WASHC3: variants seen among roughly 807,000 people sequenced by gnomAD.
WASHC3 encodes WASH complex subunit 3, also known as WASH complex subunit CCDC53.
WASHC3 carries 24 observed loss-of-function variants against 26.1 expected under a neutral mutation model. The ratio of observed to expected loss-of-function variants is 0.92; its 90% CI spans 0.66 to 1.29. WASHC3 has a LOEUF of 1.29. Ranked by LOEUF, WASHC3 falls within the 50% of genes most tolerant of loss-of-function variation. The pLI, the probability that WASHC3 is intolerant of heterozygous loss-of-function variation, is 0.00. For synonymous variants in WASHC3, 77 were observed against 75.7 expected, an observed-to-expected ratio of 1.02 and a Z score of -0.09; for missense variants, 214 against 229.6, an observed-to-expected ratio of 0.93 and a Z score of 0.44.
intron 5 of WASHC3, among the ~76,000 whole-genome samples, chr12:102,030,455 G>A (rs189804761): frequency 6.6e-6 from 1 of 151,790 alleles, no homozygotes; most frequent in East Asian, 1.9e-4. Flanking sequence ...TTTTCTCCTC[G>A]AAGCTTTCAG....
At chr12:102,020,388 T>A (rs1197242000) in intron 6 of WASHC3, among the ~76,000 whole-genome samples, 3 of 152,164 alleles carry the variant, frequency 2.0e-5, no homozygotes, top group Non-Finnish European at 4.4e-5. Flanking sequence ...GTCCATAACT[T>A]CCCTTCTTAT....
intron 5 of WASHC3, among the ~76,000 whole-genome samples, chr12:102,038,096 G>A (rs1460220076): frequency 3.3e-5 from 5 of 151,644 alleles, no homozygotes; most frequent in Non-Finnish European, 5.9e-5. Context: ...TGCCCGGCCC[G>A]GGTCATTTAT....
intron 5 of WASHC3, among the ~76,000 whole-genome samples, chr12:102,031,957 T>C (rs1406826402): frequency 1.3e-5 from 2 of 152,166 alleles, no homozygotes; most frequent in African/African-American, 4.8e-5. Flanking sequence ...CTCTAAACCA[T>C]GGAAAGCCAC....
chr12:102,030,655 G>C (rs1877395526), intron 5 of WASHC3, among the ~76,000 whole-genome samples: 1 of 152,078 alleles, frequency 6.6e-6, no homozygotes, highest in African/African-American at 2.4e-5. Context: ...CACTAAGGAT[G>C]GCTATAATAA....
chr12:102,061,570 T>C (rs1878811887), intron 1 of WASHC3, among the ~76,000 whole-genome samples: 1 of 152,158 alleles, frequency 6.6e-6, no homozygotes, highest in Non-Finnish European at 1.5e-5. Context: ...GGTACGAATT[T>C]TGGCAGGCAA....
At chr12:102,061,145 G>T in intron 2 of WASHC3, 103 bp downstream of exon 2, 1 of 749,618 alleles carries the variant, frequency 1.3e-6, no homozygotes, top group Non-Finnish European at 2.3e-6. Context: ...AGAGGTCACG[G>T]TACATGAATA....
rs557745866 is a variant in WASHC3 at position 102,049,962 on chromosome 12, A to C, written c.151-3843T>G. 3.9e-5 allele frequency among the ~76,000 whole-genome samples: 6 copies of C among 152,338 alleles called. No homozygotes were observed. The East Asian group carries it at 1.2e-3, about 29-fold the overall frequency. Reference sequence around the variant, plus strand: ...TCTCAGCACTTTTGCTTGTACCTAAAGATTTTAGAAAAAAGAAAAATTTCA... The same window carrying C: ...TCTCAGCACTTTTGCTTGTACCTAACGATTTTAGAAAAAAGAAAAATTTCA... On this transcript the variant is annotated intron_variant, in intron 2 of 6. Transcript: ENST00000240079.
In WASHC3 at chr12:102,012,937, C is replaced by T. The variant is rs1423575309; in HGVS notation, c.*171G>A. 6 of 477,688 alleles carry T rather than the reference C, an allele frequency of 1.3e-5. No homozygotes were observed. The highest frequency in any genetic ancestry group is 2.2e-5 in the Non-Finnish European group (6 of 272,606). The allele number at this position is 477,688 out of a possible 1,614,324, so 29.6% of individuals were successfully genotyped here. On this transcript the variant is annotated 3_prime_UTR_variant, in exon 7 of 7. Coordinates refer to ENST00000240079, the MANE Select transcript of WASHC3 (RefSeq NM_016053.4). ...GAGGCCCTTTATTTTAGCAACAAGA[C>T]ATACTGGCAGGTTAAAACTGCTTTA... is the stretch of plus-strand genomic sequence containing the variant.
At chr12:102,044,402 T>C (rs1192826826) in intron 3 of WASHC3, among the ~76,000 whole-genome samples, 190 bp from the exon 4 acceptor site, 1 of 152,196 alleles carries the variant, frequency 6.6e-6, no homozygotes, top group Non-Finnish European at 1.5e-5. Context: ...AAAAATCTAA[T>C]TTAGTTTACA....
At chr12:102,013,232 ATTGAAAAGAGCAC>A in intron 6 of WASHC3, 40 bp from the exon 7 acceptor site, 1 of 979,198 alleles carries the variant, frequency 1.0e-6, no homozygotes, top group Non-Finnish European at 1.5e-6. Context: ...GTCTTTTCCA[ATTGAAAAGAGCAC>A]TTACAAACTC....
intron 1 of WASHC3, among the ~76,000 whole-genome samples, chr12:102,061,698 T>C (rs1277846392): frequency 6.6e-6 from 1 of 152,112 alleles, no homozygotes; most frequent in Non-Finnish European, 1.5e-5. Context: ...GAAGCGACAG[T>C]TGGGAGATGC....
At chr12:102,044,390 T>A (rs1878069646) in intron 3 of WASHC3, among the ~76,000 whole-genome samples, 178 bp from the exon 4 acceptor site, 1 of 152,198 alleles carries the variant, frequency 6.6e-6, no homozygotes, top group African/African-American at 2.4e-5. Flanking sequence ...GAAGAACTTC[T>A]CAAAAATCTA....
intron 2 of WASHC3, among the ~76,000 whole-genome samples, chr12:102,052,197 A>G (rs1400543010): frequency 2.6e-5 from 4 of 152,214 alleles, no homozygotes; most frequent in Non-Finnish European, 5.9e-5. Context: ...GGTAAGAAGG[A>G]CAGTTTTACA....
chr12:102,060,475 C>T (rs1290157450), intron 2 of WASHC3, among the ~76,000 whole-genome samples: 1 of 152,140 alleles, frequency 6.6e-6, no homozygotes, highest in Non-Finnish European at 1.5e-5. Flanking sequence ...GGTACTTAAT[C>T]CTTACATCAC....
At chr12:102,031,444 A>G in intron 5 of WASHC3, among the ~76,000 whole-genome samples, 1 of 152,226 alleles carries the variant, frequency 6.6e-6, no homozygotes, top group East Asian at 1.9e-4. Context: ...TATTTTGCTA[A>G]GCTTTGCTTC....
chr12:102,050,706 T>C, intron 2 of WASHC3: 1 of 402,698 alleles, frequency 2.5e-6, no homozygotes, highest in South Asian at 1.9e-5. Flanking sequence ...GTAACACATT[T>C]GGCACTCCTG....
chr12:102,051,878 G>A (rs1314422977), intron 2 of WASHC3, among the ~76,000 whole-genome samples: 2 of 152,214 alleles, frequency 1.3e-5, no homozygotes, highest in African/African-American at 2.4e-5. Context: ...CCAGCACAGA[G>A]GAAGTACACA....
At chr12:102,027,755 C>T (rs964792654) in intron 5 of WASHC3, among the ~76,000 whole-genome samples, 2 of 152,086 alleles carry the variant, frequency 1.3e-5, no homozygotes, top group Non-Finnish European at 2.9e-5. Context: ...TTACAGGTTA[C>T]TTAGAAGACT....
chr12:102,036,978 A>G (rs1216145894), intron 5 of WASHC3, among the ~76,000 whole-genome samples: 2 of 152,194 alleles, frequency 1.3e-5, no homozygotes, highest in Admixed American at 1.3e-4. Context: ...TAAATTTAAA[A>G]AATGTAAATG....
Sources: allele counts gnomAD v4.1 joint callset (sites outside exome capture counted in the v4.1 genomes callset), GRCh38; gene constraint gnomAD v4.1.1; transcripts MANE v1.5; gene names NCBI Gene and HGNC (gene_info 2026-07-23, HGNC 2026-07-21).